Variants in PHTF2 observed in about 807,000 individuals in gnomAD.
PHTF2 encodes the protein putative homeodomain transcription factor 2.
A neutral mutation model predicts 101.2 loss-of-function variants in PHTF2; 60 were observed. The observed-to-expected ratio is 0.59, with a 90% CI of 0.48 to 0.73. The LOEUF (loss-of-function observed/expected upper bound fraction) is 0.73, where lower values mean the gene tolerates loss of function less well. Among genes scored for constraint, PHTF2 ranks in the 30% least tolerant of loss-of-function variants. The pLI is 0.00. For missense variants in PHTF2, 747 were observed against 908.7 expected, an observed-to-expected ratio of 0.82 and a Z score of 2.29; for synonymous variants, 311 against 307.3, an observed-to-expected ratio of 1.01 and a Z score of -0.13.
intron 3 of PHTF2, among the ~76,000 whole-genome samples, chr7:77,871,614 G>A (rs1290864166): frequency 1.3e-5 from 2 of 152,148 alleles, no homozygotes; most frequent in Non-Finnish European, 2.9e-5. Flanking sequence ...CTGGCTATTG[G>A]AGAAACAGTA....
At chr7:77,930,426 T>A (rs1804458472) in intron 12 of PHTF2, among the ~76,000 whole-genome samples, 1 of 151,874 alleles carries the variant, frequency 6.6e-6, no homozygotes, top group African/African-American at 2.4e-5. Flanking sequence ...GTGAATGACA[T>A]CTCCATTCAT....
chr7:77,941,851 G>T (rs1805664081), intron 15 of PHTF2, among the ~76,000 whole-genome samples: 1 of 151,742 alleles, frequency 6.6e-6, no homozygotes, highest in Admixed American at 6.6e-5. Flanking sequence ...TGTATATTTG[G>T]CCCTATATTC....
chr7:77,894,764 A>G (rs1800741657), intron 5 of PHTF2, among the ~76,000 whole-genome samples: 1 of 152,142 alleles, frequency 6.6e-6, no homozygotes, highest in Non-Finnish European at 1.5e-5. Flanking sequence ...GAAAGATTTC[A>G]TAGAGGAAGT....
At chr7:77,881,015 T>C (rs1004546047) in intron 3 of PHTF2, among the ~76,000 whole-genome samples, 35 of 152,286 alleles carry the variant, frequency 2.3e-4, no homozygotes, top group Admixed American at 2.0e-3. Flanking sequence ...CTCTCTCTAG[T>C]GGACAATATA....
chr7:77,884,726 G>A (rs938964301), intron 3 of PHTF2, among the ~76,000 whole-genome samples: 6 of 151,982 alleles, frequency 3.9e-5, no homozygotes, highest in Non-Finnish European at 5.9e-5. Flanking sequence ...GTCAAACCCC[G>A]TCTTTACCAA....
chr7:77,809,519 G>C (rs2150482145), intron 1 of PHTF2, among the ~76,000 whole-genome samples: 1 of 152,120 alleles, frequency 6.6e-6, no homozygotes, highest in Non-Finnish European at 1.5e-5. Flanking sequence ...GAGCCACTGG[G>C]CTCAGCCATA....
At chr7:77,937,920 A>C (rs949074559) in intron 13 of PHTF2, 82 bp downstream of exon 12, 2 of 614,198 alleles carry the variant, frequency 3.3e-6, no homozygotes, top group Non-Finnish European at 4.9e-6. Context: ...ATATTATATT[A>C]GTAACCTTCT....
rs996730272 is a variant in PHTF2, at chr7:77,863,792, T to TG, written c.147+8958_147+8959insG. Among the ~76,000 whole-genome samples the TG allele has an allele frequency of 1.7e-4, 25 of 151,400 alleles. No individual in the cohort carries two copies. The East Asian group carries it at 3.1e-3, about 19-fold the overall frequency. On this transcript the variant is annotated intron_variant, in intron 3 of 19. Transcript: ENST00000416283. ...TGAGTTCCCTGTTTTGTTTTGTTTT[T>TG]TTTTTTTTTTGGAAGATAGGTTCTT...
At chr7:77,895,882 T>C (rs2471603) in intron 5 of PHTF2, 88,982 of 151,998 alleles carry the variant, frequency 0.59, 28,064 homozygotes, top group African/African-American at 0.84. Context: ...GCTCTTTTGG[T>C]AGGTCTGAAG....
chr7:77,852,356 T>C (rs1796833698), intron 2 of PHTF2, among the ~76,000 whole-genome samples: 1 of 152,212 alleles, frequency 6.6e-6, no homozygotes, highest in Non-Finnish European at 1.5e-5. Context: ...GATTTCTTGC[T>C]TTTTATTTTT....
chr7:77,925,581 C>T, intron 11 of PHTF2, among the ~76,000 whole-genome samples: 1 of 140,234 alleles, frequency 7.1e-6, no homozygotes, highest in South Asian at 2.4e-4. Flanking sequence ...GCCATCTCGG[C>T]TCACTGCAAC....
At chr7:77,937,004 G>T (rs956455480) in intron 12 of PHTF2, among the ~76,000 whole-genome samples, 1 of 151,914 alleles carries the variant, frequency 6.6e-6, no homozygotes, top group African/African-American at 2.4e-5. Context: ...AATTAGCCAG[G>T]CATGGTGGCA....
chr7:77,932,516 G>A (rs1804660184), intron 12 of PHTF2, among the ~76,000 whole-genome samples: 1 of 151,956 alleles, frequency 6.6e-6, no homozygotes, highest in Admixed American at 6.6e-5. Flanking sequence ...TTGGATGGTG[G>A]TGAAGGCTTT....
At chr7:77,824,659 A>T (rs1226888634) in intron 1 of PHTF2, among the ~76,000 whole-genome samples, 2 of 152,078 alleles carry the variant, frequency 1.3e-5, no homozygotes, top group Non-Finnish European at 2.9e-5. Context: ...TGACTTCGTG[A>T]TCTGCCCGCC....
intron 2 of PHTF2, among the ~76,000 whole-genome samples, chr7:77,845,899 G>A (rs775098434): frequency 6.6e-6 from 1 of 152,198 alleles, no homozygotes; most frequent in Non-Finnish European, 1.5e-5. Context: ...GCTGAGTAGT[G>A]AAGCTTTTCT....
chr7:77,844,861 T>A (rs1796155145), intron 2 of PHTF2, among the ~76,000 whole-genome samples: 1 of 152,248 alleles, frequency 6.6e-6, no homozygotes, highest in South Asian at 2.1e-4. Context: ...ATTTTGACAT[T>A]TTAAAAGTCC....
rs371327889 is a variant in PHTF2 at position 77,812,611 on chromosome 7, A to G, written c.-36+13640A>G. 3.3e-3 allele frequency among the ~76,000 whole-genome samples: 488 copies of G among 149,610 alleles called. 3 individuals are homozygous for G. Among genetic ancestry groups the G allele is most frequent in the Middle Eastern group, 0.01 (3 of 288 alleles). Reference sequence around the variant, plus strand: ...TTTTTTACTTTTTTTTTTTTTTGAGACAGAGCCTCGCTCTGTCACCCAGGC... The same window carrying G: ...TTTTTTACTTTTTTTTTTTTTTGAGGCAGAGCCTCGCTCTGTCACCCAGGC... On this transcript the variant is annotated intron_variant, in intron 1 of 19. Transcript: ENST00000416283.
chr7:77,943,026 C>G (rs1805756380), intron 16 of PHTF2, among the ~76,000 whole-genome samples: 1 of 152,154 alleles, frequency 6.6e-6, no homozygotes. Flanking sequence ...GCCTAGAATC[C>G]TTCTCATTAT....
At chr7:77,856,240 G>A (rs1357185089) in intron 3 of PHTF2, among the ~76,000 whole-genome samples, 1 of 152,100 alleles carries the variant, frequency 6.6e-6, no homozygotes, top group African/African-American at 2.4e-5. Context: ...ATGTTTAAGT[G>A]GTTTATAAAT....
Sources: allele counts gnomAD v4.1 joint callset (sites outside exome capture counted in the v4.1 genomes callset), GRCh38; gene constraint gnomAD v4.1.1; transcripts MANE v1.5; gene names NCBI Gene and HGNC (gene_info 2026-07-23, HGNC 2026-07-21).